The following OLA1 variants were observed in gnomAD, a reference collection of about 807,000 sequenced individuals.
The protein encoded by OLA1 is Obg like ATPase 1, also known as obg-like ATPase 1.
In OLA1, 14 loss-of-function variants were observed where a neutral mutation model predicts 48.4. The ratio of observed to expected loss-of-function variants is 0.29; its 90% confidence interval spans 0.19 to 0.45. The LOEUF is 0.45. Ranked by LOEUF, OLA1 falls within the 20% of genes least tolerant of loss-of-function variation. The probability of loss-of-function intolerance (pLI) is 1.00; values close to 1 mark genes in which losing one functional copy is unlikely to be tolerated. For missense variants in OLA1, 325 were observed against 467.1 expected (o/e 0.70, Z 2.80); for synonymous variants, 127 against 150.4 (o/e 0.84, Z 1.14).
chr2:174,209,616 C>A (rs559830205), intron 4 of OLA1, among the ~76,000 whole-genome samples: 1 of 152,086 alleles, frequency 6.6e-6, no homozygotes, highest in East Asian at 1.9e-4. Flanking sequence ...TAAGGAGATT[C>A]AAGAAGTAGG....
At chr2:174,091,138 G>A (rs890657232) in intron 7 of OLA1, among the ~76,000 whole-genome samples, 2 of 152,216 alleles carry the variant, frequency 1.3e-5, no homozygotes, top group Admixed American at 6.5e-5. Context: ...GGGGGAAAGA[G>A]TCTCAGCTAA....
intron 4 of OLA1, among the ~76,000 whole-genome samples, chr2:174,214,149 A>G (rs1246302852): frequency 6.6e-6 from 1 of 152,020 alleles, no homozygotes; most frequent in African/African-American, 2.4e-5. Flanking sequence ...CCTGGCCAAC[A>G]TGGTAAAACC....
chr2:174,155,116 A>G (rs1686843586), intron 4 of OLA1, among the ~76,000 whole-genome samples: 1 of 152,144 alleles, frequency 6.6e-6, no homozygotes, highest in Non-Finnish European at 1.5e-5. Context: ...TCTGACCTAT[A>G]GCATGTACAT....
intron 4 of OLA1, among the ~76,000 whole-genome samples, chr2:174,187,394 G>GC (rs1164699530): frequency 6.6e-6 from 1 of 152,202 alleles, no homozygotes; most frequent in Non-Finnish European, 1.5e-5. Context: ...TGCTAATACA[G>GC]CAGGCACATT....
At chr2:174,141,765 A>T in intron 5 of OLA1, 60 bp downstream of exon 5, 1 of 1,338,532 alleles carries the variant, frequency 7.5e-7, no homozygotes, top group South Asian at 1.4e-5. Context: ...ATTATTTAAA[A>T]AATTTAATCA....
At chr2:174,168,780 TCTATCTA>T (rs1687229061) in intron 4 of OLA1, among the ~76,000 whole-genome samples, 1 of 133,334 alleles carries the variant, frequency 7.5e-6, no homozygotes, top group African/African-American at 3.2e-5. Flanking sequence ...TATCTATCTA[TCTATCTA>T]TCTATCTATC....
At chr2:174,244,629 A>ATTT (rs982039482) in intron 2 of OLA1, among the ~76,000 whole-genome samples, 1 of 149,712 alleles carries the variant, frequency 6.7e-6, no homozygotes, top group Non-Finnish European at 1.5e-5. Context: ...TTAAAAAAAA[A>ATTT]TTTTTTTTTT....
chr2:174,248,433 G>C lies in OLA1; in HGVS notation c.-1+19C>G, dbSNP rs372661368. 6.1e-6 allele frequency: 1 copy of C among 162,820 alleles called. No homozygotes were observed. The highest frequency in any genetic ancestry group is 1.9e-4 in the East Asian group (1 of 5,190). The allele number at this position is 162,820 out of a possible 1,614,324, so 10.1% of individuals were successfully genotyped here. On this transcript the variant is annotated intron_variant, in intron 1 of 10. Transcript: ENST00000284719. The stretch of plus-strand genomic sequence containing the variant: ...AGACCTGGCGGAGATCGCGCCCCCG[G>C]GCTCCCTGAGGGCCTCACCGTGCTC...
intron 4 of OLA1, among the ~76,000 whole-genome samples, chr2:174,191,447 T>C (rs1687775928): frequency 6.8e-6 from 1 of 146,688 alleles, no homozygotes; most frequent in African/African-American, 2.5e-5. Flanking sequence ...AATTCTTTTC[T>C]TTTTTTTTTT....
intron 4 of OLA1, among the ~76,000 whole-genome samples, chr2:174,165,291 A>G (rs1292895706): frequency 2.6e-5 from 4 of 152,224 alleles, no homozygotes; most frequent in African/African-American, 7.2e-5. Flanking sequence ...GGTGGAATGC[A>G]TAAGGTATAT....
At chr2:174,204,096 A>G (rs1688054087) in intron 4 of OLA1, among the ~76,000 whole-genome samples, 1 of 150,614 alleles carries the variant, frequency 6.6e-6, no homozygotes, top group Admixed American at 6.6e-5. Context: ...CCCAGCCAGT[A>G]ATTATTTTTA....
intron 4 of OLA1, chr2:174,217,848 A>G (rs1380276331): frequency 1.3e-5 from 2 of 152,214 alleles, no homozygotes; most frequent in Non-Finnish European, 2.9e-5. Flanking sequence ...TTGTGTATAG[A>G]AAAATTTTTA....
intron 7 of OLA1, among the ~76,000 whole-genome samples, chr2:174,121,607 T>C (rs913684380): frequency 2.6e-5 from 4 of 151,874 alleles, no homozygotes; most frequent in African/African-American, 7.3e-5. Flanking sequence ...TAAAATAGGA[T>C]CATTCATACC....
chr2:174,148,015 T>G (rs557312946), intron 4 of OLA1, among the ~76,000 whole-genome samples: 1 of 152,300 alleles, frequency 6.6e-6, no homozygotes, highest in Non-Finnish European at 1.5e-5. Context: ...AGACGGGGTT[T>G]TGCCATGTTG....
At chr2:174,095,612 T>A (rs1685237419) in intron 7 of OLA1, among the ~76,000 whole-genome samples, 1 of 152,130 alleles carries the variant, frequency 6.6e-6, no homozygotes, top group East Asian at 1.9e-4. Context: ...TAAAGAAGAG[T>A]CAACAAATGG....
intron 3 of OLA1, among the ~76,000 whole-genome samples, chr2:174,224,429 G>A (rs1409504881): frequency 6.6e-6 from 1 of 152,088 alleles, no homozygotes; most frequent in Admixed American, 6.6e-5. Context: ...CGCATTCCTA[G>A]GGAAAGTAAA....
At chr2:174,107,260 G>A (rs1388301050) in intron 7 of OLA1, among the ~76,000 whole-genome samples, 1 of 152,024 alleles carries the variant, frequency 6.6e-6, no homozygotes, top group Non-Finnish European at 1.5e-5. Context: ...ATTTTACTTG[G>A]GTACTTTATA....
chr2:174,124,676 T>C (rs1686006231), intron 5 of OLA1, among the ~76,000 whole-genome samples: 1 of 152,242 alleles, frequency 6.6e-6, no homozygotes, highest in Admixed American at 6.5e-5. Flanking sequence ...AGATAATTTA[T>C]GGATATGTTT....
Position 174,155,915 on chromosome 2 carries a change from A to G in OLA1, c.374-13915T>C, listed in dbSNP as rs144814783. Among the ~76,000 whole-genome samples the G allele has an allele frequency of 1.8e-4, 27 of 152,324 alleles. No homozygotes were observed. In the East Asian group the frequency reaches 3.3e-3, roughly 19 times the overall value. ...GTATAACAGAAGTGATTAAGGGCACATACTCTGGAATCAGAACATCTGGAT... is the reference window on the plus strand; with the variant it reads ...GTATAACAGAAGTGATTAAGGGCACGTACTCTGGAATCAGAACATCTGGAT... On this transcript the variant is annotated intron_variant, in intron 4 of 10. Transcript: ENST00000284719.
Sources: allele counts gnomAD v4.1 joint callset (sites outside exome capture counted in the v4.1 genomes callset), GRCh38; gene constraint gnomAD v4.1.1; transcripts MANE v1.5; gene names NCBI Gene and HGNC (gene_info 2026-07-23, HGNC 2026-07-21).